PCDH11Y: variants seen among roughly 807,000 people sequenced by gnomAD.
PCDH11Y encodes the protein protocadherin 11 Y-linked.
For missense variants in PCDH11Y, 12 were observed against 224.8 expected, an observed-to-expected ratio of 0.05 and a Z score of 6.05; for synonymous variants, 9 against 83.6, an observed-to-expected ratio of 0.11 and a Z score of 4.87.
intron 2 of PCDH11Y, among the ~76,000 whole-genome samples, chrY:5,446,610 G>A: frequency 3.0e-5 from 1 of 33,077 alleles, no homozygotes; most frequent in Non-Finnish European, 7.5e-5. Flanking sequence ...TAAGATGTGA[G>A]TTCTCAAAGT....
At chrY:5,364,473 T>C (rs2053178282) in intron 2 of PCDH11Y, among the ~76,000 whole-genome samples, 1 of 32,067 alleles carries the variant, frequency 3.1e-5, no homozygotes, top group African/African-American at 1.2e-4. Flanking sequence ...TGCCCAGTTA[T>C]TCATATTTAT....
chrY:5,231,717 T>C, intron 2 of PCDH11Y, among the ~76,000 whole-genome samples: 2 of 33,342 alleles, frequency 6.0e-5, no homozygotes, highest in South Asian at 6.7e-4. Context: ...GCCAAGCCTA[T>C]GTTCTTCCCT....
chrY:5,414,194 T>C, intron 2 of PCDH11Y, among the ~76,000 whole-genome samples: 1 of 28,411 alleles, frequency 3.5e-5, no homozygotes, highest in Non-Finnish European at 8.3e-5. Context: ...GGTTGTTAAA[T>C]TGAGATCTTT....
intron 2 of PCDH11Y, among the ~76,000 whole-genome samples, chrY:5,424,482 C>T: frequency 3.0e-5 from 1 of 33,524 alleles, no homozygotes; most frequent in African/African-American, 1.2e-4. Context: ...CCGGTATTCT[C>T]TCATGTTTTG....
At chrY:5,644,107 G>T in intron 4 of PCDH11Y, among the ~76,000 whole-genome samples, 2 of 32,779 alleles carry the variant, frequency 6.1e-5, no homozygotes, top group African/African-American at 2.4e-4. Context: ...TTGCTATGAG[G>T]AACTCTATGA....
intron 2 of PCDH11Y, among the ~76,000 whole-genome samples, chrY:5,492,544 A>AT (rs2053339894): frequency 4.5e-5 from 1 of 22,033 alleles, no homozygotes; most frequent in African/African-American, 1.8e-4. Flanking sequence ...ATATAGAGAT[A>AT]TTTTTGTTTG....
At chrY:5,360,273 C>G in intron 2 of PCDH11Y, among the ~76,000 whole-genome samples, 4 of 30,627 alleles carry the variant, frequency 1.3e-4, no homozygotes, top group Non-Finnish European at 3.1e-4. Context: ...TCAAGCTGTA[C>G]AGTACCCTGT....
intron 2 of PCDH11Y, among the ~76,000 whole-genome samples, chrY:5,403,184 G>A: frequency 3.2e-5 from 1 of 31,514 alleles, no homozygotes; most frequent in Non-Finnish European, 7.7e-5. Context: ...ATTAATGAAT[G>A]CTGTATTGAA....
intron 2 of PCDH11Y, among the ~76,000 whole-genome samples, chrY:5,247,689 C>G: frequency 3.1e-5 from 1 of 32,146 alleles, no homozygotes; most frequent in African/African-American, 1.2e-4. Context: ...CAAGAATAAA[C>G]AAATCCAAAA....
At chrY:5,551,637 A>C (rs2053418715) in intron 3 of PCDH11Y, among the ~76,000 whole-genome samples, 1 of 32,422 alleles carries the variant, frequency 3.1e-5, no homozygotes, top group African/African-American at 1.2e-4. Flanking sequence ...CAGGAAGGTC[A>C]GTCTCAACTC....
At chrY:5,392,929 G>A in intron 2 of PCDH11Y, among the ~76,000 whole-genome samples, 1 of 33,111 alleles carries the variant, frequency 3.0e-5, no homozygotes, top group Non-Finnish European at 7.4e-5. Flanking sequence ...CATTATAAAT[G>A]TATTTTTAGA....
intron 4 of PCDH11Y, among the ~76,000 whole-genome samples, chrY:5,680,510 A>T (rs2053557383): frequency 3.0e-5 from 1 of 33,646 alleles, no homozygotes; most frequent in Non-Finnish European, 7.3e-5. Flanking sequence ...ACCGGGGACC[A>T]ATCCTAGAAA....
intron 2 of PCDH11Y, among the ~76,000 whole-genome samples, chrY:5,416,983 A>G (rs2053253880): frequency 3.5e-5 from 1 of 28,690 alleles, no homozygotes; most frequent in Admixed American, 3.5e-4. Context: ...GCACCCATGT[A>G]CTATCTAAGA....
chrY:5,676,499 A>G, intron 4 of PCDH11Y, among the ~76,000 whole-genome samples: 2 of 32,890 alleles, frequency 6.1e-5, no homozygotes, highest in Non-Finnish European at 1.5e-4. Context: ...TCTCCTTTCT[A>G]TTGCACCATG....
chrY:5,557,643 T>C, intron 3 of PCDH11Y, among the ~76,000 whole-genome samples: 1 of 33,997 alleles, frequency 2.9e-5, no homozygotes, highest in East Asian at 7.8e-4. Flanking sequence ...TTTTCTTTTT[T>C]TCCTATTTGG....
chrY:5,253,974 T>A, intron 2 of PCDH11Y, among the ~76,000 whole-genome samples: 3 of 33,766 alleles, frequency 8.9e-5, no homozygotes, highest in African/African-American at 2.3e-4. Context: ...CTTTGGGCAT[T>A]CAAGTGAGGC....
chrY:5,587,307 CT>C (rs2053457071), intron 4 of PCDH11Y, among the ~76,000 whole-genome samples: 1 of 32,717 alleles, frequency 3.1e-5, no homozygotes, highest in Non-Finnish European at 7.6e-5. Context: ...TAATTTTTGA[CT>C]TTTTTGAATG....
At chrY:5,385,725 G>A (rs1602916854) in intron 2 of PCDH11Y, among the ~76,000 whole-genome samples, 8 of 33,444 alleles carry the variant, frequency 2.4e-4, no homozygotes, top group East Asian at 1.6e-3. Flanking sequence ...AGGTCGTATC[G>A]CATTGTGGTT....
intron 2 of PCDH11Y, among the ~76,000 whole-genome samples, chrY:5,449,539 T>C (rs2053291230): frequency 3.0e-5 from 1 of 33,406 alleles, no homozygotes; most frequent in Non-Finnish European, 7.5e-5. Flanking sequence ...TAATGTGCTC[T>C]AGGCTTTCAT....
Sources: gnomAD v4.1 joint callset for allele counts (sites outside exome capture counted in the v4.1 genomes callset) on GRCh38, gnomAD v4.1.1 for gene constraint, MANE v1.5 for transcripts, NCBI Gene and HGNC (gene_info 2026-07-23, HGNC 2026-07-21) for gene names.